The following DRD3 variants were observed in gnomAD, a reference collection of about 807,000 sequenced individuals.
DRD3 encodes D(3) dopamine receptor.
In DRD3, 19 loss-of-function variants were observed where a neutral mutation model predicts 36.3. The observed-to-expected ratio is 0.52, with a 90% CI of 0.36 to 0.77. The LOEUF (loss-of-function observed/expected upper bound fraction) is 0.77. DRD3 is among the 30% of genes least tolerant of loss of function. DRD3 has a pLI of 0.00. For synonymous variants in DRD3, 195 were observed against 203.7 expected, an observed-to-expected ratio of 0.96 and a Z score of 0.36; for missense variants, 465 against 505.3, an observed-to-expected ratio of 0.92 and a Z score of 0.77.
At chr3:114,147,975 G>A (rs1052096674) in intron 3 of DRD3, among the ~76,000 whole-genome samples, 9 of 152,280 alleles carry the variant, frequency 5.9e-5, no homozygotes, top group South Asian at 2.1e-4. Context: ...AAAGAAGTTC[G>A]TAGAGAAATA....
intron 2 of DRD3, among the ~76,000 whole-genome samples, chr3:114,161,786 G>A (rs866679431): frequency 3.3e-5 from 5 of 152,146 alleles, no homozygotes; most frequent in Admixed American, 6.5e-5. Context: ...AATAAAAGAA[G>A]GTTTTCTTCA....
Position 114,128,404 on chromosome 3 carries a change from AG to A in DRD3, c.*311del, listed in dbSNP as rs1262761724. Among the ~76,000 whole-genome samples the A allele has an allele frequency of 6.6e-6, 1 of 152,210 alleles. No individual in the cohort carries two copies. The highest frequency in any genetic ancestry group is 2.4e-5 in the African/African-American group (1 of 41,444). On this transcript the variant is annotated 3_prime_UTR_variant, in exon 7 of 7. Coordinates refer to ENST00000383673, the MANE Select transcript of DRD3 (RefSeq NM_000796.6). ...TGATGAGATCTGTTCATTTTCCTTCAGTGTAATGAATCATGCCTCTGATGAC... is the reference window on the plus strand; with the variant it reads ...TGATGAGATCTGTTCATTTTCCTTCATGTAATGAATCATGCCTCTGATGAC...
chr3:114,172,332 A>G (rs2107885958), intron 1 of DRD3, among the ~76,000 whole-genome samples: 1 of 152,332 alleles, frequency 6.6e-6, no homozygotes, highest in Admixed American at 6.5e-5. Context: ...ACGGGTGAAG[A>G]TTGTGCGTAT....
intron 1 of DRD3, among the ~76,000 whole-genome samples, chr3:114,185,353 T>C (rs1433709930): frequency 6.6e-6 from 1 of 152,228 alleles, no homozygotes; most frequent in Admixed American, 6.5e-5. Flanking sequence ...GCAAGTTTGC[T>C]GATTTCTTTC....
rs1675141371 is a variant in DRD3 at position 114,194,386 on chromosome 3, G to A, written c.-156+4887C>T. Among the ~76,000 whole-genome samples the A allele has an allele frequency of 3.3e-5, 5 of 152,200 alleles. No individual in the cohort carries two copies. The South Asian group carries it at 6.2e-4, about 19-fold the overall frequency. On this transcript the variant is annotated intron_variant, in intron 1 of 7. Transcript: ENST00000460779. ...CAACCTTGGCCTCCTAGGTTCAGGC[G>A]ATCCTCCTGCCTCAGCCCCCCAAGT...
upstream of DRD3, among the ~76,000 whole-genome samples, chr3:114,184,051 G>C (rs1435877778): frequency 2.6e-5 from 4 of 152,088 alleles, no homozygotes; most frequent in Non-Finnish European, 5.9e-5. Context: ...CACTCTGCAT[G>C]ACTCTTTTTT....
upstream of DRD3, chr3:114,179,090 C>T (rs1028579544): frequency 4.6e-5 from 7 of 152,254 alleles, no homozygotes; most frequent in African/African-American, 1.7e-4. Context: ...TGTATATTTT[C>T]TCCTCAGTGC....
chr3:114,196,989 T>C (rs1479109218), intron 1 of DRD3, among the ~76,000 whole-genome samples: 2 of 151,260 alleles, frequency 1.3e-5, no homozygotes, highest in East Asian at 3.9e-4. Flanking sequence ...TTTTTTTCTT[T>C]TTTTTTTATT....
At chr3:114,181,016 T>C (rs958428402), upstream of DRD3, among the ~76,000 whole-genome samples, 1 of 152,198 alleles carries the variant, frequency 6.6e-6, no homozygotes, top group Non-Finnish European at 1.5e-5. Context: ...TTGAAGACAT[T>C]GTGCCTAATG....
rs192069508 is a variant in DRD3, at chr3:114,138,983, A to G, written c.723+517T>C. Among the ~76,000 whole-genome samples the G allele has an allele frequency of 3.3e-5, 5 of 152,306 alleles. No individual in the cohort carries two copies. The East Asian group carries it at 9.7e-4, about 29-fold the overall frequency. On this transcript the variant is annotated intron_variant, in intron 5 of 6. Transcript: ENST00000383673. ...AGAAGATCATTGCAGAGGCAATGAC[A>G]TTTCTTTTCAGAGCCTAGAAAGATC...
chr3:114,147,566 G>T lies in DRD3; in HGVS notation c.384-9C>A. The T allele has an allele frequency of 6.2e-7, 1 of 1,605,048 alleles. No individual in the cohort carries two copies. Among genetic ancestry groups the T allele is most frequent in the South Asian group, 1.1e-5 (1 of 90,846 alleles). On this transcript the variant is annotated splice_polypyrimidine_tract_variant and intron_variant, in intron 3 of 6. Coordinates refer to ENST00000383673, the MANE Select transcript of DRD3 (RefSeq NM_000796.6). ...TGACCACTGCAGTGTACCTGAAAAAGCAAGGGGAGAGGGGATAGGCATGGT... is the reference window on the plus strand; with the variant it reads ...TGACCACTGCAGTGTACCTGAAAAATCAAGGGGAGAGGGGATAGGCATGGT...
rs1411186139 is a variant in DRD3 at position 114,159,790 on chromosome 3, G to A, written c.348C>T (p.Ala116=). 6.2e-7 allele frequency: 1 copy of A among 1,614,086 alleles called. No homozygotes were observed. Among genetic ancestry groups the A allele is most frequent in the Admixed American group, 1.7e-5 (1 of 60,016 alleles). ...FVTLDVMMCT[A]SILNLCAISI... is the part of the protein sequence containing the mutation. ...TGATGGCACAGAGATTAAGGATGCT[G>A]GCTGTACACATCATGACATCCAGGG... Residue 116 remains alanine, a synonymous_variant, in exon 3 of 7, where the codon GCC becomes GCT. Coordinates refer to ENST00000383673, the MANE Select transcript of DRD3 (RefSeq NM_000796.6).
chr3:114,129,926 C>T (rs1325857748), intron 6 of DRD3, among the ~76,000 whole-genome samples: 7 of 151,984 alleles, frequency 4.6e-5, no homozygotes, highest in East Asian at 1.9e-4. Flanking sequence ...GGTGTGGTAG[C>T]GCATGCCTGT....
chr3:114,146,698 C>CAAAAAAA (rs72463214), intron 4 of DRD3, among the ~76,000 whole-genome samples: 1 of 58,114 alleles, frequency 1.7e-5, no homozygotes, highest in Non-Finnish European at 3.7e-5. Context: ...GACTTGGTCT[C>CAAAAAAA]AAAAAAAAAA....
At chr3:114,138,168 CAAAAA>C (rs35536800) in intron 5 of DRD3, among the ~76,000 whole-genome samples, 2 of 74,130 alleles carry the variant, frequency 2.7e-5, no homozygotes. Flanking sequence ...GACTCTGTCT[CAAAAA>C]AAAAAAAAAA....
At chr3:114,130,849 T>C (rs1413628836) in intron 6 of DRD3, among the ~76,000 whole-genome samples, 2 of 152,236 alleles carry the variant, frequency 1.3e-5, no homozygotes, top group East Asian at 3.8e-4. Context: ...TTTTATTGAA[T>C]CATTATCTTA....
At chr3:114,145,168 A>G (rs1439711416) in intron 4 of DRD3, among the ~76,000 whole-genome samples, 4 of 152,140 alleles carry the variant, frequency 2.6e-5, no homozygotes, top group Non-Finnish European at 2.9e-5. Context: ...GAGGGTAAGA[A>G]GTGCCTTGGT....
At chr3:114,191,339 C>T (rs2078009767) in intron 1 of DRD3, among the ~76,000 whole-genome samples, 1 of 152,150 alleles carries the variant, frequency 6.6e-6, no homozygotes, top group African/African-American at 2.4e-5. Flanking sequence ...ATCTGAAAGA[C>T]AAGGGGCAGC....
At chr3:114,153,136 C>T (rs944493297) in intron 3 of DRD3, among the ~76,000 whole-genome samples, 1 of 152,232 alleles carries the variant, frequency 6.6e-6, no homozygotes, top group African/African-American at 2.4e-5. Context: ...GGCTCTGCCA[C>T]TGAACTGTGT....
Sources: allele counts gnomAD v4.1 joint callset (sites outside exome capture counted in the v4.1 genomes callset), GRCh38; gene constraint gnomAD v4.1.1; transcripts MANE v1.5; gene names NCBI Gene and HGNC (gene_info 2026-07-23, HGNC 2026-07-21).